The following DGKA variants were observed in gnomAD, a reference collection of about 807,000 sequenced individuals.
DGKA encodes diacylglycerol kinase alpha.
DGKA carries 35 observed loss-of-function variants against 105.0 expected under a neutral mutation model. The ratio of observed to expected loss-of-function variants is 0.33; its 90% CI spans 0.25 to 0.44. The LOEUF is 0.44. Among genes scored for constraint, DGKA ranks in the 20% least tolerant of loss-of-function variants. DGKA has a pLI of 1.00. For missense variants in DGKA, 665 were observed against 915.0 expected, an observed-to-expected ratio of 0.73 and a Z score of 3.53; for synonymous variants, 296 against 332.0, an observed-to-expected ratio of 0.89 and a Z score of 1.18.
At chr12:55,945,836 C>T (rs2136364432) in intron 17 of DGKA, among the ~76,000 whole-genome samples, 1 of 151,932 alleles carries the variant, frequency 6.6e-6, no homozygotes, top group East Asian at 1.9e-4. Flanking sequence ...GTTGCCCAGG[C>T]TGGAGTGCAG....
chr12:55,951,924 G>A (rs987025783), intron 18 of DGKA, 111 bp from the exon 19 acceptor site: 1 of 1,518,804 alleles, frequency 6.6e-7, no homozygotes, highest in East Asian at 2.3e-5. Flanking sequence ...TGAGTTGCAA[G>A]GGAAGATCTT....
At position 55,951,618 on chromosome 12, in the gene DGKA, C is replaced by T. The variant is rs749942470; in HGVS notation, c.1427-5C>T. The T allele has an allele frequency of 6.2e-7, 1 of 1,613,484 alleles. No homozygotes were observed. Among genetic ancestry groups the T allele is most frequent in the Non-Finnish European group, 8.5e-7 (1 of 1,179,702 alleles). ...TCAGTGCTAACCTGTCTTCTCCACT[C>T]CTAGGTTATGAAGGACAGAATCTGG... On this transcript the variant is annotated splice_region_variant and splice_polypyrimidine_tract_variant and intron_variant, in intron 17 of 23. Transcript: ENST00000331886.
chr12:55,946,416 G>C (rs546308713), intron 17 of DGKA, among the ~76,000 whole-genome samples: 1 of 152,130 alleles, frequency 6.6e-6, no homozygotes, highest in South Asian at 2.1e-4. Flanking sequence ...GAGTGCAGTG[G>C]CGCGATCTCA....
At chr12:55,941,688 G>A in intron 15 of DGKA, 104 bp downstream of exon 15, 1 of 1,228,710 alleles carries the variant, frequency 8.1e-7, no homozygotes. Context: ...AGGAGGGCTA[G>A]AGATCCCCAA....
At position 55,941,603 on chromosome 12, in the gene DGKA, C is replaced by G; in HGVS notation, c.1250+19C>G. ...AGATAGGGTGAGCACAGGTTAGGGA[C>G]TGTATCACAGTGTTTTCGTGGGTCT... On this transcript the variant is annotated intron_variant, in intron 15 of 23. Coordinates refer to ENST00000331886, the MANE Select transcript of DGKA (RefSeq NM_001345.5). 1 of 1,612,878 alleles carries G rather than the reference C, an allele frequency of 6.2e-7. No homozygotes were observed. The highest frequency in any genetic ancestry group is 8.5e-7 in the Non-Finnish European group (1 of 1,178,872).
intron 17 of DGKA, 66 bp downstream of exon 17, chr12:55,942,329 G>C: frequency 2.1e-6 from 3 of 1,463,292 alleles, no homozygotes; most frequent in East Asian, 2.3e-5. Context: ...AAGGCACTTA[G>C]AGAAGAAACT....
At chr12:55,950,496 CAGGGTTT>C (rs1887946971) in intron 17 of DGKA, among the ~76,000 whole-genome samples, 4 of 150,310 alleles carry the variant, frequency 2.7e-5, no homozygotes, top group Non-Finnish European at 5.9e-5. Context: ...TTAGTAGAGA[CAGGGTTT>C]CACCATGTTA....
intron 17 of DGKA, among the ~76,000 whole-genome samples, chr12:55,948,277 G>C (rs1272200092): frequency 6.6e-6 from 1 of 151,776 alleles, no homozygotes; most frequent in Non-Finnish European, 1.5e-5. Flanking sequence ...GCAGGCACCT[G>C]TAATCCCAGC....
In DGKA at chr12:55,937,879, T is replaced by C. The variant is rs941999809; in HGVS notation, c.275-99T>C. On this transcript the variant is annotated intron_variant, in intron 4 of 23. Coordinates refer to ENST00000331886, the MANE Select transcript of DGKA (RefSeq NM_001345.5). ...CCTGTCTCTCAAAAAAATCAGTAAA[T>C]CTTTTTTTTAAAAAAAGGGAGAGGT... The C allele has an allele frequency of 4.4e-4, 488 of 1,121,518 alleles. 1 individual carries two copies. Among genetic ancestry groups the C allele is most frequent in the Non-Finnish European group, 6.0e-4 (460 of 762,528 alleles). 69.5% of individuals were successfully genotyped at this position (1,121,518 alleles called of 1,614,324 possible).
upstream of DGKA, chr12:55,927,720 G>C: frequency 6.5e-7 from 1 of 1,539,916 alleles, no homozygotes; most frequent in Non-Finnish European, 8.7e-7. Flanking sequence ...CCGCGGGTCG[G>C]TCACCTGTCT....
chr12:55,938,062 C>T lies in DGKA; in HGVS notation c.349+10C>T. On this transcript the variant is annotated intron_variant, in intron 5 of 23. Transcript: ENST00000331886. ...GAAGACAAGTTAGAATGTGAGTTGC[C>T]CTTCTGAAGTGAGGTGGCAGGGCAG... The T allele has an allele frequency of 6.2e-7, 1 of 1,612,988 alleles. No individual in the cohort carries two copies. Among genetic ancestry groups the T allele is most frequent in the Non-Finnish European group, 8.5e-7 (1 of 1,179,130 alleles).
chr12:55,927,800 T>C (rs773532361), upstream of DGKA: 7 of 1,534,340 alleles, frequency 4.6e-6, no homozygotes, highest in East Asian at 1.5e-4. Flanking sequence ...CGGGCGGCCC[T>C]GGCCTGGCTC....
At position 55,951,677 on chromosome 12, in the gene DGKA, T is replaced by G. The variant is rs1195647976; in HGVS notation, c.1481T>G (p.Val494Gly). Residue 494 changes from valine to glycine, a missense_variant, in exon 18 of 24, where the codon GTG becomes GGG. Around this residue, in one of 3 missense-constraint regions of DGKA, gnomAD observed 504 missense variants for 681.2 expected, o/e 0.74. Transcript: ENST00000331886. ...KILKDLEMSK[V>G]VHMDRWSVEV... ...CTCAAGGATTTAGAGATGAGTAAAG[T>G]GGTACATATGGATCGATGGTCTGTG... 6.2e-7 allele frequency: 1 copy of G among 1,613,890 alleles called. No individual in the cohort carries two copies. Among genetic ancestry groups the G allele is most frequent in the South Asian group, 1.1e-5 (1 of 91,076 alleles).
intron 1 of DGKA, 21 bp from the exon 2 acceptor site, chr12:55,936,402 C>T (rs962690995): frequency 3.3e-5 from 50 of 1,509,556 alleles, no homozygotes; most frequent in South Asian, 1.3e-4. Context: ...TCCCACTGTA[C>T]GCTCTGTCAC....
chr12:55,932,706 C>A lies in DGKA; in HGVS notation c.-82+1362C>A, dbSNP rs1311434914. ...ATGACACCCTCTACACACACACACA[C>A]ACGCACACACACACACACACACACA... is the stretch of plus-strand genomic sequence containing the variant. On this transcript the variant is annotated intron_variant, in intron 1 of 23. Transcript: ENST00000331886. The surrounding 1 kb of genome is among the most constrained non-coding windows in gnomAD (Gnocchi z 4.3). The A allele has an allele frequency of 5.8e-6, 3 of 517,060 alleles. No individual in the cohort carries two copies. The East Asian group carries it at 1.0e-4, about 17-fold the overall frequency. 32.0% of individuals were successfully genotyped at this position (517,060 alleles called of 1,614,324 possible). A position where few individuals can be genotyped will look rare whatever the true frequency, so the allele number is the denominator to read the frequency against.
At chr12:55,927,318 CA>C, upstream of DGKA, 1 of 791,058 alleles carries the variant, frequency 1.3e-6, no homozygotes, top group Non-Finnish European at 2.2e-6. Flanking sequence ...CCACCGATAC[CA>C]TTACTGAGCG....
rs540116700 is a variant in DGKA at position 55,946,516 on chromosome 12, C to T, written c.1426+4253C>T. On this transcript the variant is annotated intron_variant, in intron 17 of 23. Coordinates refer to ENST00000331886, the MANE Select transcript of DGKA (RefSeq NM_001345.5). ...AGATTACAGGCGTGCGCCATCACAACTGGCTAATTTTTGTATTTTTAGTAG... is the reference window on the plus strand; with the variant it reads ...AGATTACAGGCGTGCGCCATCACAATTGGCTAATTTTTGTATTTTTAGTAG... 2.0e-5 allele frequency among the ~76,000 whole-genome samples: 3 copies of T among 152,318 alleles called. No homozygotes were observed. The East Asian group carries it at 5.8e-4, about 29-fold the overall frequency.
chr12:55,936,067 G>A (rs558701690), intron 1 of DGKA: 9 of 974,306 alleles, frequency 9.2e-6, no homozygotes, highest in Admixed American at 5.4e-5. Context: ...GGAAGAAAGC[G>A]CAGAAACAGA....
Position 55,940,873 on chromosome 12 carries a change from C to T in DGKA, c.1018-24C>T, listed in dbSNP as rs1324157170. 1.2e-6 allele frequency: 2 copies of T among 1,612,580 alleles called. No homozygotes were observed. Among genetic ancestry groups the T allele is most frequent in the East Asian group, 2.2e-5 (1 of 44,860 alleles). On this transcript the variant is annotated intron_variant, in intron 12 of 23. Coordinates refer to ENST00000331886, the MANE Select transcript of DGKA (RefSeq NM_001345.5). This position sits in a 1 kb window ranked among gnomAD's most constrained non-coding sequence, Gnocchi z 4.3. Reference sequence around the variant, plus strand: ...ATTCATGCACAATACAGCTTTTCTTCCCTCTACTTTCTTCCCCTCCCAGGC... The same window carrying T: ...ATTCATGCACAATACAGCTTTTCTTTCCTCTACTTTCTTCCCCTCCCAGGC...
Sources: allele counts gnomAD v4.1 joint callset (sites outside exome capture counted in the v4.1 genomes callset), GRCh38; gene constraint gnomAD v4.1.1; regional missense constraint gnomAD v4.1.1; non-coding constraint Gnocchi (gnomAD v3.1); transcripts MANE v1.5; gene names NCBI Gene and HGNC (gene_info 2026-07-23, HGNC 2026-07-21).